SULF2: variants seen among roughly 807,000 people sequenced by gnomAD.
The protein encoded by SULF2 is extracellular sulfatase Sulf-2.
A neutral mutation model predicts 107.7 loss-of-function variants in SULF2; 52 were observed. The ratio of observed to expected loss-of-function variants is 0.48; its 90% CI spans 0.39 to 0.61. The LOEUF (loss-of-function observed/expected upper bound fraction) is 0.61. SULF2 is among the 20% of genes least tolerant of loss of function. SULF2 has a pLI of 0.00. For synonymous variants in SULF2, 460 were observed against 464.3 expected, an observed-to-expected ratio of 0.99 and a Z score of 0.12; for missense variants, 993 against 1,177.3, an observed-to-expected ratio of 0.84 and a Z score of 2.29.
At chr20:47,757,100 A>G (rs74865329) in intron 2 of SULF2, 89 bp downstream of exon 2, 1 of 1,242,190 alleles carries the variant, frequency 8.1e-7, no homozygotes, top group Admixed American at 2.8e-5. Context: ...CGACGCATCA[A>G]CACCACCGCC....
chr20:47,676,865 G>T (rs2087658624), intron 9 of SULF2, among the ~76,000 whole-genome samples: 1 of 152,222 alleles, frequency 6.6e-6, no homozygotes, highest in African/African-American at 2.4e-5. Context: ...CATTGTAGAG[G>T]CTGGACAAAG....
In SULF2 at chr20:47,747,979, A is replaced by C. The variant is rs73315767; in HGVS notation, c.175+9210T>G. 3.8e-3 allele frequency among the ~76,000 whole-genome samples: 571 copies of C among 151,974 alleles called. 8 individuals are homozygous for C. Among genetic ancestry groups the C allele is most frequent in the African/African-American group, 0.012 (517 of 41,446 alleles). ...GCATCTCCCACCTGGACTGCTGCAAACACCACCTGATCTCCCTGCTTCCGC... is the reference window on the plus strand; with the variant it reads ...GCATCTCCCACCTGGACTGCTGCAACCACCACCTGATCTCCCTGCTTCCGC... On this transcript the variant is annotated intron_variant, in intron 2 of 20. Transcript: ENST00000688720.
chr20:47,732,799 C>T (rs962920644), intron 3 of SULF2, among the ~76,000 whole-genome samples: 9 of 152,166 alleles, frequency 5.9e-5, no homozygotes, highest in East Asian at 1.9e-4. Flanking sequence ...GCTGAGATTA[C>T]GCCACTGCAC....
intron 10 of SULF2, chr20:47,672,703 A>C (rs1474056657): frequency 8.2e-6 from 2 of 242,850 alleles, no homozygotes; most frequent in Non-Finnish European, 1.3e-5. Flanking sequence ...AAGTTGGATC[A>C]TATTACTCTC....
chr20:47,769,359 A>ATTTT (rs71183279), intron 1 of SULF2, among the ~76,000 whole-genome samples: 16 of 128,550 alleles, frequency 1.2e-4, no homozygotes, highest in African/African-American at 4.4e-4. Context: ...TAATTTTTGT[A>ATTTT]TTTTTTTTTT....
chr20:47,697,663 G>A (rs1332951543), intron 4 of SULF2, among the ~76,000 whole-genome samples: 2 of 152,276 alleles, frequency 1.3e-5, no homozygotes, highest in African/African-American at 4.8e-5. Context: ...CAGGCCCCTG[G>A]TAACTGGGGG....
At chr20:47,709,228 G>A (rs554445199) in intron 3 of SULF2, among the ~76,000 whole-genome samples, 12 of 152,256 alleles carry the variant, frequency 7.9e-5, no homozygotes, top group African/African-American at 2.6e-4. Context: ...CTGAGCTTTC[G>A]AGGCAAGGAC....
rs754945106 is a variant in SULF2, at chr20:47,663,449, T to A, written c.2227+4A>T. ...CTGTCCACCCCTGCCCTGGGCTTGC[T>A]CACGTGTCCAGAAAGGCGCCGTCTG... On this transcript the variant is annotated splice_donor_region_variant and intron_variant, in intron 16 of 20. Coordinates refer to ENST00000688720, the MANE Select transcript of SULF2 (RefSeq NM_001387048.1). 1 of 1,607,392 alleles carries A rather than the reference T, an allele frequency of 6.2e-7. No individual in the cohort carries two copies.
chr20:47,712,713 G>A (rs1165632282), intron 3 of SULF2, among the ~76,000 whole-genome samples: 1 of 152,208 alleles, frequency 6.6e-6, no homozygotes, highest in East Asian at 1.9e-4. Context: ...AGGAGTGCAG[G>A]AGAGGTGGCA....
chr20:47,767,744 C>T (rs906332206), intron 1 of SULF2, among the ~76,000 whole-genome samples: 1 of 152,066 alleles, frequency 6.6e-6, no homozygotes, highest in Non-Finnish European at 1.5e-5. Flanking sequence ...TACTGCACTC[C>T]AGCCTGGGTG....
At chr20:47,752,435 A>G (rs2090177390) in intron 2 of SULF2, among the ~76,000 whole-genome samples, 1 of 152,130 alleles carries the variant, frequency 6.6e-6, no homozygotes. Flanking sequence ...TTTCATTTAA[A>G]GATGTTCTGA....
intron 5 of SULF2, chr20:47,689,611 T>G (rs1238208007): frequency 6.6e-6 from 1 of 152,254 alleles, no homozygotes; most frequent in Admixed American, 6.5e-5. Context: ...AATTTGTGTT[T>G]GTTGTTTTAA....
At chr20:47,693,672 G>A (rs1033147999) in intron 4 of SULF2, among the ~76,000 whole-genome samples, 14 of 152,194 alleles carry the variant, frequency 9.2e-5, no homozygotes, top group Middle Eastern at 6.3e-3. Flanking sequence ...ACACAGCATC[G>A]TACATTGTTT....
At chr20:47,659,259 G>A (rs1414757181) in intron 20 of SULF2, 140 bp downstream of exon 20, 37 of 710,622 alleles carry the variant, frequency 5.2e-5, no homozygotes, top group Non-Finnish European at 8.3e-5. Context: ...GGAAAGATGT[G>A]CATTAGTACT....
At chr20:47,659,924 C>T (rs1360719147) in intron 18 of SULF2, among the ~76,000 whole-genome samples, 194 bp from the exon 19 acceptor site, 1 of 152,190 alleles carries the variant, frequency 6.6e-6, no homozygotes, top group Non-Finnish European at 1.5e-5. Flanking sequence ...TCCTAGATAG[C>T]CTTGTAGATT....
At chr20:47,726,277 C>T (rs1441790792) in intron 3 of SULF2, among the ~76,000 whole-genome samples, 1 of 152,188 alleles carries the variant, frequency 6.6e-6, no homozygotes, top group African/African-American at 2.4e-5. Flanking sequence ...GTGATCATGG[C>T]TTACTGCAGC....
chr20:47,675,358 G>GT (rs2087607566), intron 10 of SULF2, among the ~76,000 whole-genome samples: 1 of 152,172 alleles, frequency 6.6e-6, no homozygotes. Context: ...CAAGCGGGGG[G>GT]ACGCATTCAT....
chr20:47,753,152 G>A (rs1281304024), intron 2 of SULF2, among the ~76,000 whole-genome samples: 1 of 151,208 alleles, frequency 6.6e-6, no homozygotes, highest in African/African-American at 2.4e-5. Context: ...AACACTGGAT[G>A]CAGTCTCGTG....
intron 2 of SULF2, among the ~76,000 whole-genome samples, chr20:47,744,243 C>T (rs1204880573): frequency 2.6e-5 from 4 of 152,036 alleles, no homozygotes; most frequent in African/African-American, 2.4e-5. Flanking sequence ...AGTGCAGCGG[C>T]GCGATCTCGG....
Sources: gnomAD v4.1 joint callset for allele counts (sites outside exome capture counted in the v4.1 genomes callset) on GRCh38, gnomAD v4.1.1 for gene constraint, MANE v1.5 for transcripts, NCBI Gene and HGNC (gene_info 2026-07-23, HGNC 2026-07-21) for gene names.